The following CDH10 variants were observed in gnomAD, a reference collection of about 807,000 sequenced individuals.
CDH10 encodes cadherin-10.
A neutral mutation model predicts 73.1 loss-of-function variants in CDH10; 30 were observed. That is an observed-to-expected ratio of 0.41 (90% confidence interval 0.31 to 0.56). The LOEUF (loss-of-function observed/expected upper bound fraction) is 0.56. Ranked by LOEUF, CDH10 falls within the 20% of genes least tolerant of loss-of-function variation. The probability of loss-of-function intolerance (pLI) is 0.27; values close to 1 mark genes in which losing one functional copy is unlikely to be tolerated. For missense variants in CDH10, 815 were observed against 973.7 expected, an observed-to-expected ratio of 0.84 and a Z score of 2.17; for synonymous variants, 345 against 348.2, an observed-to-expected ratio of 0.99 and a Z score of 0.10.
chr5:24,605,233 A>G (rs761395357), intron 1 of CDH10, among the ~76,000 whole-genome samples: 2 of 152,238 alleles, frequency 1.3e-5, no homozygotes, highest in Non-Finnish European at 2.9e-5. Flanking sequence ...GAAAGGATAT[A>G]GAGCAGGGAT....
chr5:24,505,233 G>A lies in CDH10; in HGVS notation c.1272C>T (p.Arg424=), dbSNP rs1487215176. 1 of 1,612,840 alleles carries A rather than the reference G, an allele frequency of 6.2e-7. No homozygotes were observed. The highest frequency in any genetic ancestry group is 8.5e-7 in the Non-Finnish European group (1 of 1,179,214). ...ISSPIRFSLD[R]HTDLDRIFNI... is the part of the protein sequence containing the mutation. Reference sequence around the variant, plus strand: ...TAAAGATTCTGTCAAGGTCAGTATGGCGATCCAAGGAAAATCTGAACATGG... The same window carrying A: ...TAAAGATTCTGTCAAGGTCAGTATGACGATCCAAGGAAAATCTGAACATGG... The change falls in exon 8 of 12, where the codon CGC becomes CGT. Residue 424 remains arginine (R), a synonymous_variant. Coordinates refer to ENST00000264463, the MANE Select transcript of CDH10 (RefSeq NM_006727.5).
At chr5:24,554,704 A>G (rs1394078763) in intron 2 of CDH10, among the ~76,000 whole-genome samples, 2 of 152,116 alleles carry the variant, frequency 1.3e-5, no homozygotes, top group Non-Finnish European at 2.9e-5. Context: ...AATTATGGTA[A>G]AAAAGAGAAA....
chr5:24,552,201 A>T (rs2111955414), intron 2 of CDH10, among the ~76,000 whole-genome samples: 1 of 152,068 alleles, frequency 6.6e-6, no homozygotes, highest in African/African-American at 2.4e-5. Flanking sequence ...TATGTAGCTG[A>T]CTTTTGCCAT....
chr5:24,491,702 T>A lies in CDH10; in HGVS notation c.1750A>T (p.Ile584Phe), dbSNP rs753551926. The A allele has an allele frequency of 6.2e-7, 1 of 1,614,028 alleles. No individual in the cohort carries two copies. Among genetic ancestry groups the A allele is most frequent in the South Asian group, 1.1e-5 (1 of 91,082 alleles). The change falls in exon 11 of 12, where the codon ATT (isoleucine) becomes TTT (phenylalanine). Residue 584 changes from isoleucine to phenylalanine, a missense_variant. Coordinates refer to ENST00000264463, the MANE Select transcript of CDH10 (RefSeq NM_006727.5). ...PIQSSTGTLT[I>F]RVCACDSQGN... ...TGGCTGTCACAAGCACACACTCGAATGGTCAGTGTGCCTGTGCTGCTCTGA... is the reference window on the plus strand; with the variant it reads ...TGGCTGTCACAAGCACACACTCGAAAGGTCAGTGTGCCTGTGCTGCTCTGA...
At chr5:24,590,357 G>A in intron 2 of CDH10, among the ~76,000 whole-genome samples, 1 of 150,706 alleles carries the variant, frequency 6.6e-6, no homozygotes, top group Non-Finnish European at 1.5e-5. Context: ...TTAGAAGTGA[G>A]TACAATAATA....
At chr5:24,630,397 GA>G (rs1747663786) in intron 1 of CDH10, among the ~76,000 whole-genome samples, 1 of 151,656 alleles carries the variant, frequency 6.6e-6, no homozygotes, top group Non-Finnish European at 1.5e-5. Context: ...ACTAAAGATA[GA>G]AAAAATTAGC....
In CDH10 at chr5:24,505,258, G is replaced by T. The variant is rs763303674; in HGVS notation, c.1257-10C>A. 2 of 1,610,806 alleles carry T rather than the reference G, an allele frequency of 1.2e-6. No homozygotes were observed. The highest frequency in any genetic ancestry group is 4.5e-5 in the East Asian group (2 of 44,758). On this transcript the variant is annotated splice_polypyrimidine_tract_variant and intron_variant, in intron 7 of 11. Coordinates refer to ENST00000264463, the MANE Select transcript of CDH10 (RefSeq NM_006727.5). ...GCGATCCAAGGAAAATCTGAACATG[G>T]AGGGCAAGAAAAAATACATGGCAGC...
In CDH10 at chr5:24,583,799, C is replaced by A. The variant is rs1353348536; in HGVS notation, c.231+9461G>T. Among the ~76,000 whole-genome samples, 3 of 152,170 alleles carry A rather than the reference C, an allele frequency of 2.0e-5. No homozygotes were observed. In the East Asian group the frequency reaches 5.8e-4, roughly 29 times the overall value. Reference sequence around the variant, plus strand: ...AGCTGGGATTACAGGCATGTGCCACCAAGCCCAGCTAATTTTTGTATTTTT... The same window carrying A: ...AGCTGGGATTACAGGCATGTGCCACAAAGCCCAGCTAATTTTTGTATTTTT... On this transcript the variant is annotated intron_variant, in intron 2 of 11. Coordinates refer to ENST00000264463, the MANE Select transcript of CDH10 (RefSeq NM_006727.5).
Position 24,505,201 on chromosome 5 carries a change from T to C in CDH10, c.1304A>G (p.His435Arg). ...HTDLDRIFNI[H>R]SGNGSLYTSK... Reference sequence around the variant, plus strand: ...TGTATAAAGAGATCCATTTCCTGAATGAATGTTAAAGATTCTGTCAAGGTC... The same window carrying C: ...TGTATAAAGAGATCCATTTCCTGAACGAATGTTAAAGATTCTGTCAAGGTC... Residue 435 changes from histidine (H) to arginine (R), a missense_variant, in exon 8 of 12, where the codon CAT (histidine) becomes CGT (arginine). By Grantham distance (29) the His-to-Arg change is conservative. Coordinates refer to ENST00000264463, the MANE Select transcript of CDH10 (RefSeq NM_006727.5). The C allele has an allele frequency of 1.9e-6, 3 of 1,612,636 alleles. No homozygotes were observed. The highest frequency in any genetic ancestry group is 1.7e-6 in the Non-Finnish European group (2 of 1,178,776).
intron 5 of CDH10, among the ~76,000 whole-genome samples, chr5:24,523,897 T>C (rs1465693872): frequency 1.3e-5 from 2 of 152,148 alleles, no homozygotes; most frequent in Admixed American, 6.6e-5. Context: ...TTACTGATGA[T>C]ACAATATAAC....
intron 1 of CDH10, among the ~76,000 whole-genome samples, chr5:24,598,060 C>T (rs181718919): frequency 1.3e-5 from 2 of 151,890 alleles, no homozygotes; most frequent in Admixed American, 6.6e-5. Context: ...AGTCTAATAA[C>T]ATTTCAACAC....
At chr5:24,524,370 C>T (rs1196182299) in intron 5 of CDH10, among the ~76,000 whole-genome samples, 1 of 152,046 alleles carries the variant, frequency 6.6e-6, no homozygotes, top group Non-Finnish European at 1.5e-5. Context: ...GGGTGTTTGA[C>T]ATTTCGGGCA....
chr5:24,520,993 A>G (rs1743307882), intron 5 of CDH10, among the ~76,000 whole-genome samples: 1 of 151,958 alleles, frequency 6.6e-6, no homozygotes, highest in Non-Finnish European at 1.5e-5. Flanking sequence ...AGCATGAGCC[A>G]CCGTGCCCGG....
intron 1 of CDH10, among the ~76,000 whole-genome samples, chr5:24,635,481 A>G (rs1747838532): frequency 6.6e-6 from 1 of 151,946 alleles, no homozygotes; most frequent in South Asian, 2.1e-4. Flanking sequence ...ATTCGTATCC[A>G]TCAATTCCCT....
At chr5:24,490,486 T>G (rs1462885203) in intron 11 of CDH10, among the ~76,000 whole-genome samples, 1 of 152,164 alleles carries the variant, frequency 6.6e-6, no homozygotes, top group Non-Finnish European at 1.5e-5. Flanking sequence ...AAATCTAATC[T>G]TGAATTATTC....
intron 1 of CDH10, among the ~76,000 whole-genome samples, 179 bp from the exon 2 acceptor site, chr5:24,593,792 T>C (rs1746281472): frequency 6.6e-6 from 1 of 151,962 alleles, no homozygotes; most frequent in Non-Finnish European, 1.5e-5. Context: ...ATGTCTACAA[T>C]GTACAAAAAT....
chr5:24,496,851 A>G (rs540611677), intron 9 of CDH10, among the ~76,000 whole-genome samples: 4 of 152,286 alleles, frequency 2.6e-5, no homozygotes, highest in South Asian at 4.1e-4. Flanking sequence ...ATCCCTTAAT[A>G]TATAACAGTT....
At chr5:24,518,752 C>A (rs1579750287) in intron 5 of CDH10, among the ~76,000 whole-genome samples, 1 of 151,954 alleles carries the variant, frequency 6.6e-6, no homozygotes, top group African/African-American at 2.4e-5. Context: ...AATATTAAGT[C>A]ATATCTGTAT....
intron 1 of CDH10, among the ~76,000 whole-genome samples, chr5:24,629,309 T>C (rs1747623078): frequency 6.6e-6 from 1 of 152,144 alleles, no homozygotes; most frequent in Admixed American, 6.5e-5. Flanking sequence ...CAATTATGAA[T>C]CTACCCAAAC....
Sources: gnomAD v4.1 joint callset for allele counts (sites outside exome capture counted in the v4.1 genomes callset) on GRCh38, gnomAD v4.1.1 for gene constraint, MANE v1.5 for transcripts, NCBI Gene and HGNC (gene_info 2026-07-23, HGNC 2026-07-21) for gene names.